The following SLC22A23 variants were observed in gnomAD, a reference collection of about 807,000 sequenced individuals.
SLC22A23 encodes the protein ion transporter protein.
SLC22A23 carries 26 observed loss-of-function variants against 61.0 expected under a neutral mutation model. The observed-to-expected ratio is 0.43, with a 90% CI of 0.31 to 0.59. SLC22A23 has a LOEUF of 0.59. Ranked by LOEUF, SLC22A23 falls within the 20% of genes least tolerant of loss-of-function variation. The pLI is 0.11. For missense variants in SLC22A23, 796 were observed against 934.7 expected, an observed-to-expected ratio of 0.85 and a Z score of 1.94; for synonymous variants, 430 against 413.9, an observed-to-expected ratio of 1.04 and a Z score of -0.47.
chr6:3,307,766 G>C (rs1762089195), intron 4 of SLC22A23, among the ~76,000 whole-genome samples: 1 of 152,248 alleles, frequency 6.6e-6, no homozygotes, highest in African/African-American at 2.4e-5. Flanking sequence ...GGTCGGGTTT[G>C]GCTATGGAAT....
rs562390151 is a variant in SLC22A23, at chr6:3,410,401, T to C, written c.759-59A>G. Reference sequence around the variant, plus strand: ...TGTGAAACAAGACAATGACGCTAGATGCTGAAACCCGGTGTCCAGCAGGCA... The same window carrying C: ...TGTGAAACAAGACAATGACGCTAGACGCTGAAACCCGGTGTCCAGCAGGCA... On this transcript the variant is annotated intron_variant, in intron 2 of 9. Coordinates refer to ENST00000406686, the MANE Select transcript of SLC22A23 (RefSeq NM_015482.2). The surrounding 1 kb of genome is among the most constrained non-coding windows in gnomAD (Gnocchi z 5.0). The C allele has an allele frequency of 4.7e-6, 7 of 1,502,272 alleles. No individual in the cohort carries two copies. Among genetic ancestry groups the C allele is most frequent in the Admixed American group, 2.2e-5 (1 of 45,198 alleles). The allele number at this position is 1,502,272 out of a possible 1,614,324, so 93.1% of individuals were successfully genotyped here.
intron 9 of SLC22A23, among the ~76,000 whole-genome samples, chr6:3,281,657 G>C (rs1454767238): frequency 1.3e-5 from 2 of 152,036 alleles, no homozygotes; most frequent in African/African-American, 4.8e-5. Flanking sequence ...CTGTGAAGTG[G>C]GGGGATGGTA....
chr6:3,334,705 G>A (rs994430962), intron 3 of SLC22A23, among the ~76,000 whole-genome samples: 7 of 152,170 alleles, frequency 4.6e-5, no homozygotes, highest in Admixed American at 1.3e-4. Flanking sequence ...TGCTAGGGGC[G>A]GAGCCTGTGG....
In SLC22A23 at chr6:3,414,935, G is replaced by T. The variant is rs1263419360; in HGVS notation, c.758+817C>A. Among the ~76,000 whole-genome samples, 2 of 152,148 alleles carry T rather than the reference G, an allele frequency of 1.3e-5. No individual in the cohort carries two copies. The highest frequency in any genetic ancestry group is 4.8e-5 in the African/African-American group (2 of 41,444). On this transcript the variant is annotated intron_variant, in intron 2 of 9. Transcript: ENST00000406686. The surrounding 1 kb of genome is among the most constrained non-coding windows in gnomAD (Gnocchi z 5.1). The stretch of plus-strand genomic sequence containing the variant: ...CTGCAGCATCCTGGTGGAGGGGCAG[G>T]CTCTGAGGCCACGTGGTGGCTGAGT...
At chr6:3,368,908 T>C (rs1396972634) in intron 3 of SLC22A23, among the ~76,000 whole-genome samples, 1 of 152,090 alleles carries the variant, frequency 6.6e-6, no homozygotes, top group Admixed American at 6.5e-5. Context: ...CTTAAACCTA[T>C]AAAAATGACT....
intron 3 of SLC22A23, among the ~76,000 whole-genome samples, chr6:3,368,785 G>A (rs1046305946): frequency 6.6e-6 from 1 of 152,198 alleles, no homozygotes; most frequent in Non-Finnish European, 1.5e-5. Flanking sequence ...TGCCAAACAG[G>A]AGAGGAAGTC....
Position 3,366,277 on chromosome 6 carries a change from G to A in SLC22A23, c.914-42275C>T, listed in dbSNP as rs556948309. On this transcript the variant is annotated intron_variant, in intron 3 of 9. Transcript: ENST00000406686. ...GAACCCGGGAGGTGGAAGTTGCAGT[G>A]AGCCGAGATCACACCACTGCACTCC... Among the ~76,000 whole-genome samples the A allele has an allele frequency of 2.6e-4, 35 of 134,110 alleles. 1 individual carries two copies. The highest frequency in any genetic ancestry group is 1.0e-3 in the African/African-American group (35 of 34,894). 88.0% of individuals were successfully genotyped at this position (134,110 alleles called of 152,430 possible).
chr6:3,449,015 C>T (rs965795024), intron 1 of SLC22A23, among the ~76,000 whole-genome samples: 3 of 152,210 alleles, frequency 2.0e-5, no homozygotes, highest in Non-Finnish European at 2.9e-5. Context: ...GGAAAGGCTG[C>T]TTAACAGCTG....
rs1758573075 is a variant in SLC22A23, at chr6:3,273,026, C to T, written c.*29G>A. The T allele has an allele frequency of 6.6e-7, 1 of 1,511,382 alleles. No homozygotes were observed. The highest frequency in any genetic ancestry group is 2.1e-5 in the Admixed American group (1 of 48,448). 93.6% of individuals were successfully genotyped at this position (1,511,382 alleles called of 1,614,324 possible). On this transcript the variant is annotated 3_prime_UTR_variant, in exon 10 of 10. Coordinates refer to ENST00000406686, the MANE Select transcript of SLC22A23 (RefSeq NM_015482.2). ...AAACCTGTGCCCAAGCTGCCCCAGA[C>T]CCTGGAGCCCCGGGTTCCGCAGGCC...
At chr6:3,344,732 G>A (rs1319162652) in intron 3 of SLC22A23, among the ~76,000 whole-genome samples, 5 of 152,202 alleles carry the variant, frequency 3.3e-5, no homozygotes, top group Admixed American at 6.5e-5. Context: ...ATAAGTAAGC[G>A]TTAGGCAATC....
At position 3,414,709 on chromosome 6, in the gene SLC22A23, G is replaced by A; in HGVS notation, c.758+1043C>T. Among the ~76,000 whole-genome samples, 1 of 112,628 alleles carries A rather than the reference G, an allele frequency of 8.9e-6. No individual in the cohort carries two copies. The highest frequency in any genetic ancestry group is 2.8e-4 in the East Asian group (1 of 3,614). The allele number at this position is 112,628 out of a possible 152,430, so 73.9% of individuals were successfully genotyped here. A position where few individuals can be genotyped will look rare whatever the true frequency, so the allele number is the denominator to read the frequency against. ...GCCCTTATTTCCTCAAGGCCAAGAT[G>A]TCTCGATTCACCAAAAAAAAAAAAA... On this transcript the variant is annotated intron_variant, in intron 2 of 9. Coordinates refer to ENST00000406686, the MANE Select transcript of SLC22A23 (RefSeq NM_015482.2). The surrounding 1 kb of genome is among the most constrained non-coding windows in gnomAD (Gnocchi z 5.1).
At chr6:3,369,449 G>C (rs1445823784) in intron 3 of SLC22A23, among the ~76,000 whole-genome samples, 1 of 152,138 alleles carries the variant, frequency 6.6e-6, no homozygotes, top group Admixed American at 6.5e-5. Context: ...CCAGCACTTC[G>C]GGAGGCCAAG....
At chr6:3,451,663 G>T (rs186376795) in intron 1 of SLC22A23, among the ~76,000 whole-genome samples, 1 of 152,140 alleles carries the variant, frequency 6.6e-6, no homozygotes, top group South Asian at 2.1e-4. Flanking sequence ...GCTGAGCTGC[G>T]GCCCTGTTTG....
At chr6:3,423,586 A>C (rs771052213) in intron 1 of SLC22A23, among the ~76,000 whole-genome samples, 34 of 152,142 alleles carry the variant, frequency 2.2e-4, no homozygotes, top group Non-Finnish European at 4.0e-4. Flanking sequence ...AAAAGGAAGG[A>C]GGGAGTGGGG....
chr6:3,269,027 TAGAGA>T lies in SLC22A23; in HGVS notation c.*4023_*4027del, dbSNP rs755551278. 14 of 152,290 alleles carry T rather than the reference TAGAGA, an allele frequency of 9.2e-5. No individual in the cohort carries two copies. Among genetic ancestry groups the T allele is most frequent in the African/African-American group, 2.9e-4 (12 of 41,418 alleles). The allele number at this position is 152,290 out of a possible 1,614,324, so 9.4% of individuals were successfully genotyped here. ...TTGTCATTTTCGTTAAAAAATACAT[TAGAGA>T]AGAGAGTTTTGGGTTACCAGTCTTT... On this transcript the variant is annotated 3_prime_UTR_variant, in exon 10 of 10. Coordinates refer to ENST00000406686, the MANE Select transcript of SLC22A23 (RefSeq NM_015482.2).
rs1762179013 is a variant in SLC22A23 at position 3,308,961 on chromosome 6, C to A, written c.1083-10743G>T. 6.7e-6 allele frequency among the ~76,000 whole-genome samples: 1 copy of A among 150,100 alleles called. No individual in the cohort carries two copies. Among genetic ancestry groups the A allele is most frequent in the African/African-American group, 2.5e-5 (1 of 40,660 alleles). The stretch of plus-strand genomic sequence containing the variant: ...CTGTCTCAAAAAACAAACAAACAAA[C>A]CAACCAAAAAACCCCAACAACCCAC... On this transcript the variant is annotated intron_variant, in intron 4 of 9. Coordinates refer to ENST00000406686, the MANE Select transcript of SLC22A23 (RefSeq NM_015482.2). The surrounding 1 kb of genome is among the most constrained non-coding windows in gnomAD (Gnocchi z 5.1).
intron 3 of SLC22A23, among the ~76,000 whole-genome samples, chr6:3,362,449 G>GAAAAAAAAAAAAA: frequency 8.2e-6 from 1 of 122,404 alleles, no homozygotes; most frequent in African/African-American, 3.5e-5. Flanking sequence ...AAATTAGCAT[G>GAAAAAAAAAAAAA]CATTTTCATC....
At chr6:3,408,807 C>A (rs1046336433) in intron 3 of SLC22A23, among the ~76,000 whole-genome samples, 1 of 152,216 alleles carries the variant, frequency 6.6e-6, no homozygotes. Context: ...CCTTTTATGA[C>A]CATCCACGTG....
In SLC22A23 at chr6:3,318,964, C is replaced by A. The variant is rs1216566257; in HGVS notation, c.1082+4870G>T. 2.0e-5 allele frequency among the ~76,000 whole-genome samples: 3 copies of A among 152,212 alleles called. No homozygotes were observed. In the East Asian group the frequency reaches 5.8e-4, roughly 29 times the overall value. ...AAGCATCTCTCGAATCAGCCCTCTGCAGGTGACACCCAGCCTTCCCCAGTG... is the reference window on the plus strand; with the variant it reads ...AAGCATCTCTCGAATCAGCCCTCTGAAGGTGACACCCAGCCTTCCCCAGTG... On this transcript the variant is annotated intron_variant, in intron 4 of 9. Transcript: ENST00000406686. The surrounding 1 kb of genome is among the most constrained non-coding windows in gnomAD (Gnocchi z 4.3).
Sources: gnomAD v4.1 joint callset for allele counts (sites outside exome capture counted in the v4.1 genomes callset) on GRCh38, gnomAD v4.1.1 for gene constraint, Gnocchi (gnomAD v3.1) non-coding constraint, MANE v1.5 for transcripts, NCBI Gene and HGNC (gene_info 2026-07-23, HGNC 2026-07-21) for gene names.